IMMP1L: variants seen among roughly 807,000 people sequenced by gnomAD.
IMMP1L encodes the protein mitochondrial inner membrane protease subunit 1.
In IMMP1L, 24 loss-of-function variants were observed where a neutral mutation model predicts 21.8. That is an observed-to-expected ratio of 1.10 (90% CI 0.80 to 1.55). IMMP1L has a LOEUF of 1.55. IMMP1L is among the 40% of genes most tolerant of loss of function. The pLI, the probability that IMMP1L is intolerant of heterozygous loss-of-function variation, is 0.00. For synonymous variants in IMMP1L, 46 were observed against 62.8 expected, an observed-to-expected ratio of 0.73 and a Z score of 1.26; for missense variants, 195 against 200.7, an observed-to-expected ratio of 0.97 and a Z score of 0.17.
At chr11:31,458,266 A>C (rs762804830) in intron 3 of IMMP1L, among the ~76,000 whole-genome samples, 13 of 152,186 alleles carry the variant, frequency 8.5e-5, no homozygotes, top group Non-Finnish European at 1.9e-4. Context: ...TCCTTCAAAT[A>C]GTTTTAAAAG....
intron 4 of IMMP1L, chr11:31,437,209 T>G (rs1953153798): frequency 1.6e-5 from 7 of 428,648 alleles, no homozygotes; most frequent in South Asian, 1.2e-4. Context: ...AATATTTGCA[T>G]ATACACGAGA....
At chr11:31,495,809 A>G (rs73467281) in intron 1 of IMMP1L, among the ~76,000 whole-genome samples, 7,434 of 152,266 alleles carry the variant, frequency 0.049, 508 homozygotes, top group African/African-American at 0.13. Context: ...AGAAAACTAG[A>G]TATCAACATA....
chr11:31,488,839 T>C (rs1312712641), intron 1 of IMMP1L, among the ~76,000 whole-genome samples: 1 of 152,166 alleles, frequency 6.6e-6, no homozygotes, highest in Admixed American at 6.5e-5. Flanking sequence ...ATAATAATTC[T>C]ATCTCAGTTC....
chr11:31,452,390 G>T (rs1001883494), intron 4 of IMMP1L: 5 of 985,248 alleles, frequency 5.1e-6, no homozygotes, highest in Non-Finnish European at 6.0e-6. Context: ...TCTGAGCCCT[G>T]GCCCTACATT....
intron 1 of IMMP1L, chr11:31,473,837 A>G (rs36061419): frequency 0.018 from 10,018 of 559,626 alleles, 137 homozygotes; most frequent in Non-Finnish European, 0.021. Context: ...ATATATATAT[A>G]CACATTATAC....
intron 4 of IMMP1L, among the ~76,000 whole-genome samples, chr11:31,435,263 A>T (rs530037319): frequency 1.3e-5 from 2 of 152,166 alleles, no homozygotes. Context: ...TCTACATTCC[A>T]TCTCTTCATG....
At chr11:31,448,704 T>C (rs146666224) in intron 4 of IMMP1L, among the ~76,000 whole-genome samples, 1 of 152,292 alleles carries the variant, frequency 6.6e-6, no homozygotes, top group Non-Finnish European at 1.5e-5. Flanking sequence ...TTTTCAAACA[T>C]ATACATATAA....
intron 3 of IMMP1L, among the ~76,000 whole-genome samples, chr11:31,456,924 A>T (rs1374018308): frequency 2.8e-5 from 3 of 108,204 alleles, no homozygotes; most frequent in African/African-American, 1.1e-4. Flanking sequence ...AAAACAAACA[A>T]ACCAAGAAAA....
At chr11:31,460,498 T>C (rs1356256398) in intron 3 of IMMP1L, 128 bp downstream of exon 3, 2 of 597,604 alleles carry the variant, frequency 3.3e-6, no homozygotes, top group African/African-American at 3.7e-5. Flanking sequence ...CAAAATTTTA[T>C]CTAGCTGGTT....
chr11:31,496,928 T>C (rs1199985918), intron 1 of IMMP1L, among the ~76,000 whole-genome samples: 1 of 148,148 alleles, frequency 6.8e-6, no homozygotes, highest in African/African-American at 2.5e-5. Context: ...ATATATTATA[T>C]ACAATGATAT....
chr11:31,453,343 A>G (rs1168060295), intron 4 of IMMP1L, among the ~76,000 whole-genome samples: 1 of 152,192 alleles, frequency 6.6e-6, no homozygotes, highest in African/African-American at 2.4e-5. Flanking sequence ...TTTCTGAAGC[A>G]CCTACATACA....
Position 31,468,268 on chromosome 11 carries a change from C to T in IMMP1L, c.-29-4963G>A, listed in dbSNP as rs72889933. Reference sequence around the variant, plus strand: ...AACAATATGCTACGTAGGAGAATGACCTTGTTCATAGGAGATAAACAAGGA... The same window carrying T: ...AACAATATGCTACGTAGGAGAATGATCTTGTTCATAGGAGATAAACAAGGA... On this transcript the variant is annotated intron_variant, in intron 1 of 5. Transcript: ENST00000532287. Among the ~76,000 whole-genome samples the T allele has an allele frequency of 6.6e-3, 998 of 152,176 alleles. 6 individuals carry two copies. Among genetic ancestry groups the T allele is most frequent in the Non-Finnish European group, 0.012 (799 of 67,982 alleles).
At chr11:31,454,580 G>A (rs188971788) in intron 4 of IMMP1L, among the ~76,000 whole-genome samples, 87 of 150,542 alleles carry the variant, frequency 5.8e-4, no homozygotes, top group African/African-American at 1.9e-3. Context: ...ATGTATATTC[G>A]TACTGAAACA....
At chr11:31,461,036 C>T (rs1344862590) in intron 2 of IMMP1L, among the ~76,000 whole-genome samples, 3 of 152,128 alleles carry the variant, frequency 2.0e-5, no homozygotes, top group Non-Finnish European at 4.4e-5. Context: ...ATGTTCCTAG[C>T]TATATAACCA....
chr11:31,469,291 A>G (rs967286749), intron 1 of IMMP1L, among the ~76,000 whole-genome samples: 1 of 152,154 alleles, frequency 6.6e-6, no homozygotes, highest in African/African-American at 2.4e-5. Flanking sequence ...ACAGAAAGAG[A>G]GCAACAGGTG....
At position 31,469,411 on chromosome 11, in the gene IMMP1L, T is replaced by C. The variant is rs142481660; in HGVS notation, c.-29-6106A>G. Among the ~76,000 whole-genome samples the C allele has an allele frequency of 9.7e-4, 147 of 151,162 alleles. 1 individual carries two copies. The highest frequency in any genetic ancestry group is 3.2e-3 in the African/African-American group (131 of 41,168). On this transcript the variant is annotated intron_variant, in intron 1 of 5. Coordinates refer to ENST00000532287, the MANE Select transcript of IMMP1L (RefSeq NM_001304274.2). Reference sequence around the variant, plus strand: ...GCAGTGACCTAAAATCTATTAAAAATCAAATGGAAATTATACACAACACAA... The same window carrying C: ...GCAGTGACCTAAAATCTATTAAAAACCAAATGGAAATTATACACAACACAA...
chr11:31,498,969 A>C (rs1425715950), intron 1 of IMMP1L, among the ~76,000 whole-genome samples: 5 of 152,260 alleles, frequency 3.3e-5, no homozygotes, highest in African/African-American at 1.2e-4. Context: ...TAAAGAAGAT[A>C]CTTTACATTT....
intron 1 of IMMP1L, among the ~76,000 whole-genome samples, chr11:31,493,042 A>G (rs572143726): frequency 3.3e-5 from 5 of 152,352 alleles, no homozygotes; most frequent in East Asian, 1.9e-4. Context: ...TCAAGTTGTA[A>G]AAAATGCAGT....
rs76853241 is a variant in IMMP1L at position 31,454,040 on chromosome 11, C to T, written c.321+2220G>A. On this transcript the variant is annotated intron_variant, in intron 4 of 5. Coordinates refer to ENST00000532287, the MANE Select transcript of IMMP1L (RefSeq NM_001304274.2). Reference sequence around the variant, plus strand: ...TATCAGTAAAATACTGTTACCTACTCATCGGGTTGCTGTTGTGATAATTAA... The same window carrying T: ...TATCAGTAAAATACTGTTACCTACTTATCGGGTTGCTGTTGTGATAATTAA... Among the ~76,000 whole-genome samples, 1,088 of 152,232 alleles carry T rather than the reference C, an allele frequency of 7.1e-3. 5 individuals carry two copies. The highest frequency in any genetic ancestry group is 9.8e-3 in the Non-Finnish European group (665 of 68,014).
Sources: allele counts gnomAD v4.1 joint callset (sites outside exome capture counted in the v4.1 genomes callset), GRCh38; gene constraint gnomAD v4.1.1; transcripts MANE v1.5; gene names NCBI Gene and HGNC (gene_info 2026-07-23, HGNC 2026-07-21).